TNRC6A: variants seen among roughly 807,000 people sequenced by gnomAD.
The protein encoded by TNRC6A is trinucleotide repeat containing adaptor 6A, also known as trinucleotide repeat-containing gene 6A protein.
In TNRC6A, 44 loss-of-function variants were observed where a neutral mutation model predicts 221.2. The ratio of observed to expected loss-of-function variants is 0.20; its 90% CI spans 0.16 to 0.26. TNRC6A has a LOEUF of 0.26. TNRC6A is among the 10% of genes least tolerant of loss of function. The probability of loss-of-function intolerance (pLI) is 1.00; values close to 1 mark genes in which losing one functional copy is unlikely to be tolerated. For synonymous variants in TNRC6A, 847 were observed against 838.5 expected (o/e 1.01, Z -0.18); for missense variants, 2,199 against 2,404.4 (o/e 0.91, Z 1.79).
intron 2 of TNRC6A, among the ~76,000 whole-genome samples, chr16:24,731,100 C>T (rs929824099): frequency 2.0e-5 from 3 of 151,820 alleles, no homozygotes; most frequent in Non-Finnish European, 2.9e-5. Context: ...ATTTTCTTTC[C>T]TACCGTCTTT....
At chr16:24,729,531 C>A (rs1317576644), upstream of TNRC6A, among the ~76,000 whole-genome samples, 1 of 151,900 alleles carries the variant, frequency 6.6e-6, no homozygotes, top group Non-Finnish European at 1.5e-5. Context: ...CTGGGTGCAG[C>A]GTGACACGCC....
intron 1 of TNRC6A, among the ~76,000 whole-genome samples, chr16:24,613,991 G>T (rs995345948): frequency 1.3e-4 from 20 of 152,208 alleles, no homozygotes; most frequent in African/African-American, 4.8e-4. Context: ...CTGTGAGTTG[G>T]AAGTGGCAGC....
intron 5 of TNRC6A, among the ~76,000 whole-genome samples, chr16:24,785,551 T>A (rs1049421803): frequency 6.6e-6 from 1 of 152,248 alleles, no homozygotes; most frequent in African/African-American, 2.4e-5. Context: ...TTCATGTTGA[T>A]CTTTTTTGCC....
chr16:24,798,137 A>G, intron 11 of TNRC6A, 171 bp downstream of exon 11: 2 of 507,032 alleles, frequency 3.9e-6, no homozygotes, highest in Non-Finnish European at 7.0e-6. Context: ...GTGCAGGACC[A>G]CTGTGCAGAT....
At chr16:24,700,255 A>AGGGGG (rs2055944353) in intron 2 of TNRC6A, among the ~76,000 whole-genome samples, 1 of 150,592 alleles carries the variant, frequency 6.6e-6, no homozygotes, top group African/African-American at 2.4e-5. Context: ...TTTTTTTTTG[A>AGGGGG]GACAGAGTCT....
chr16:24,660,739 C>CTTT lies in TNRC6A; in HGVS notation n.402+19748_402+19750dup, dbSNP rs58299677. ...TCTTTTTCTTTTTTCTTTTTTTTTT[C>CTTT]TTTTTTTTTTTTTTTTTTTTGAGAC... On this transcript the variant is annotated intron_variant and non_coding_transcript_variant, in intron 2 of 2. Coordinates refer to the TNRC6A transcript ENST00000566108. Among the ~76,000 whole-genome samples the CTTT allele has an allele frequency of 6.0e-3, 551 of 91,274 alleles. 38 individuals carry two copies. Among genetic ancestry groups the CTTT allele is most frequent in the African/African-American group, 0.021 (470 of 21,884 alleles). The allele number at this position is 91,274 out of a possible 152,430, so 59.9% of individuals were successfully genotyped here.
intron 2 of TNRC6A, among the ~76,000 whole-genome samples, chr16:24,704,689 A>C (rs2056061650): frequency 6.7e-6 from 1 of 149,900 alleles, no homozygotes; most frequent in Non-Finnish European, 1.5e-5. Context: ...AAAAAAAAAA[A>C]AAAAAGAAAG....
chr16:24,678,774 C>T (rs999938084), intron 2 of TNRC6A, among the ~76,000 whole-genome samples: 7 of 152,112 alleles, frequency 4.6e-5, no homozygotes, highest in African/African-American at 1.2e-4. Context: ...TTGCAACCTG[C>T]GAGAGACTGT....
intron 3 of TNRC6A, among the ~76,000 whole-genome samples, chr16:24,751,832 A>G (rs2057143295): frequency 1.3e-5 from 2 of 152,186 alleles, no homozygotes; most frequent in South Asian, 2.1e-4. Context: ...CTGTTGCAGT[A>G]CAGAGAGAGA....
chr16:24,796,671 AT>A (rs1173083665), intron 9 of TNRC6A, among the ~76,000 whole-genome samples: 9 of 152,186 alleles, frequency 5.9e-5, no homozygotes, highest in Non-Finnish European at 1.5e-5. Context: ...AGAGACCTGC[AT>A]TTGGGGGGAA....
At chr16:24,671,775 C>T (rs2055308027) in intron 2 of TNRC6A, among the ~76,000 whole-genome samples, 1 of 152,010 alleles carries the variant, frequency 6.6e-6, no homozygotes. Flanking sequence ...TTTGGGAGGC[C>T]GAGGTGGGAG....
At chr16:24,753,983 C>G (rs189016328) in intron 3 of TNRC6A, among the ~76,000 whole-genome samples, 1 of 152,194 alleles carries the variant, frequency 6.6e-6, no homozygotes, top group East Asian at 1.9e-4. Flanking sequence ...ATGACTTTAT[C>G]CTTTTCATGC....
At chr16:24,753,508 A>G (rs745417994) in intron 3 of TNRC6A, among the ~76,000 whole-genome samples, 70 of 152,384 alleles carry the variant, frequency 4.6e-4, no homozygotes, top group Non-Finnish European at 7.8e-4. Flanking sequence ...GAATTTGAAT[A>G]CAACCTGTCG....
In TNRC6A at chr16:24,789,303, T is replaced by A. The variant is rs750316536; in HGVS notation, c.661T>A (p.Ser221Thr). ...GGGACCTGTGTCTTCTACAAGTGAT[T>A]CTAGCACAAACTGTAAGAATGCTGT... ...QRGPVSSTSD[S>T]STNCKNAVVS... Residue 221 changes from serine to threonine, a missense_variant, in exon 6 of 25, where the codon TCT becomes ACT. Coordinates refer to ENST00000395799, the MANE Select transcript of TNRC6A (RefSeq NM_014494.4). The A allele has an allele frequency of 3.0e-5, 49 of 1,614,086 alleles. No homozygotes were observed. The highest frequency in any genetic ancestry group is 3.8e-5 in the Non-Finnish European group (45 of 1,180,026).
At chr16:24,706,099 CACTT>C (rs1329820425) in intron 2 of TNRC6A, among the ~76,000 whole-genome samples, 3 of 152,134 alleles carry the variant, frequency 2.0e-5, no homozygotes, top group East Asian at 3.8e-4. Context: ...CCAACGCTCA[CACTT>C]ACAACATCAG....
At chr16:24,620,296 G>C (rs908404167) in intron 1 of TNRC6A, among the ~76,000 whole-genome samples, 9 of 152,080 alleles carry the variant, frequency 5.9e-5, no homozygotes, top group African/African-American at 1.9e-4. Context: ...CACCTGTTAG[G>C]GTTATTGTGA....
chr16:24,648,983 T>A (rs1350164443), intron 2 of TNRC6A, among the ~76,000 whole-genome samples: 3 of 152,040 alleles, frequency 2.0e-5, no homozygotes, highest in African/African-American at 4.8e-5. Context: ...GTTTCCCTTT[T>A]TAAAATTGAC....
intron 2 of TNRC6A, among the ~76,000 whole-genome samples, chr16:24,748,681 G>A (rs1033246444): frequency 1.3e-5 from 2 of 152,074 alleles, no homozygotes; most frequent in East Asian, 3.9e-4. Flanking sequence ...TGTTCCATCA[G>A]CAAAGCCAAC....
At chr16:24,744,559 T>A (rs1321461956) in intron 2 of TNRC6A, among the ~76,000 whole-genome samples, 1 of 152,142 alleles carries the variant, frequency 6.6e-6, no homozygotes, top group African/African-American at 2.4e-5. Flanking sequence ...TTGTTTGTAA[T>A]TTTTTATTAG....
Sources: allele counts gnomAD v4.1 joint callset (sites outside exome capture counted in the v4.1 genomes callset), GRCh38; gene constraint gnomAD v4.1.1; transcripts MANE v1.5; gene names NCBI Gene and HGNC (gene_info 2026-07-23, HGNC 2026-07-21).